The following CREB3L1 variants were observed in gnomAD, a reference collection of about 807,000 sequenced individuals.
CREB3L1 encodes cyclic AMP-responsive element-binding protein 3-like protein 1.
CREB3L1 carries 33 observed loss-of-function variants against 54.5 expected under a neutral mutation model. The observed-to-expected ratio is 0.61, with a 90% CI of 0.46 to 0.81. The LOEUF is 0.81. Ranked by LOEUF, CREB3L1 falls within the 30% of genes least tolerant of loss-of-function variation. CREB3L1 has a pLI of 0.00. For missense variants in CREB3L1, 656 were observed against 673.3 expected (o/e 0.97, Z 0.29); for synonymous variants, 284 against 286.4 (o/e 0.99, Z 0.08).
intron 3 of CREB3L1, 55 bp from the exon 4 acceptor site, chr11:46,309,934 A>C: frequency 7.0e-7 from 1 of 1,420,422 alleles, no homozygotes; most frequent in Non-Finnish European, 9.7e-7. Flanking sequence ...GGTAGATGGC[A>C]TGGTGGGGAC....
chr11:46,309,406 A>G (rs1380636649), intron 3 of CREB3L1, among the ~76,000 whole-genome samples: 1 of 152,250 alleles, frequency 6.6e-6, no homozygotes, highest in Non-Finnish European at 1.5e-5. Flanking sequence ...AACAAGTCAG[A>G]ATAGAAATAA....
rs1480133780 is a variant in CREB3L1 at position 46,305,732 on chromosome 11, G to GTGTGTGTGTGTA, written c.332-2083_332-2082insGTGTGTGTGTAT. ...TGTGTGTGTGTGTGTGTGTGTGTGT[G>GTGTGTGTGTGTA]TATATATATATATATTTTTTTTTAA... On this transcript the variant is annotated intron_variant, in intron 2 of 11. Transcript: ENST00000621158. Among the ~76,000 whole-genome samples the GTGTGTGTGTGTA allele has an allele frequency of 7.0e-4, 83 of 118,446 alleles. 1 individual carries two copies. The highest frequency in any genetic ancestry group is 2.8e-3 in the African/African-American group (74 of 26,672). The allele number at this position is 118,446 out of a possible 152,430, so 77.7% of individuals were successfully genotyped here. A position where few individuals can be genotyped will look rare whatever the true frequency, so the allele number is the denominator to read the frequency against.
chr11:46,286,734 G>T (rs1474764914), intron 1 of CREB3L1, among the ~76,000 whole-genome samples: 1 of 152,058 alleles, frequency 6.6e-6, no homozygotes, highest in South Asian at 2.1e-4. Flanking sequence ...GCAGTGAGCC[G>T]AGATTGAACC....
intron 1 of CREB3L1, among the ~76,000 whole-genome samples, chr11:46,296,351 G>C (rs2136342903): frequency 6.6e-6 from 1 of 152,174 alleles, no homozygotes; most frequent in Admixed American, 6.5e-5. Flanking sequence ...CACACGCCAG[G>C]GCAGCCCTGG....
intron 1 of CREB3L1, among the ~76,000 whole-genome samples, chr11:46,292,782 T>C (rs1465350264): frequency 6.6e-6 from 1 of 151,942 alleles, no homozygotes; most frequent in Non-Finnish European, 1.5e-5. Flanking sequence ...ACCTGGCTAA[T>C]ATTTTTAAAT....
Position 46,320,527 on chromosome 11 carries a change from A to C in CREB3L1, c.1522A>C (p.Arg508=). ...CCACTCCAAGGAGTGGTTCCACGAC[A>C]GGTGGGGTGTGTGGCCCCTTTCCCT... ...FSHSKEWFHD[R]DLGPNTTIKL... The change falls in exon 11 of 12, where the codon AGG becomes CGG. Residue 508 remains arginine, a splice_region_variant and synonymous_variant. Coordinates refer to ENST00000621158, the MANE Select transcript of CREB3L1 (RefSeq NM_052854.4). The C allele has an allele frequency of 7.0e-7, 1 of 1,424,892 alleles. No individual in the cohort carries two copies. Among genetic ancestry groups the C allele is most frequent in the Non-Finnish European group, 9.2e-7 (1 of 1,092,578 alleles). 88.3% of individuals were successfully genotyped at this position (1,424,892 alleles called of 1,614,324 possible). A position where few individuals can be genotyped will look rare whatever the true frequency, so the allele number is the denominator to read the frequency against.
chr11:46,303,153 C>A, intron 2 of CREB3L1, among the ~76,000 whole-genome samples: 1 of 152,178 alleles, frequency 6.6e-6, no homozygotes, highest in East Asian at 1.9e-4. Context: ...TTGGTTGGGA[C>A]CCACAAGGGC....
At chr11:46,319,539 G>A (rs2136360239) in intron 10 of CREB3L1, among the ~76,000 whole-genome samples, 1 of 152,258 alleles carries the variant, frequency 6.6e-6, no homozygotes, top group South Asian at 2.1e-4. Flanking sequence ...GGGCAAATTA[G>A]GATCTAGAAT....
At chr11:46,317,059 T>A (rs1468469396) in intron 9 of CREB3L1, among the ~76,000 whole-genome samples, 2 of 152,172 alleles carry the variant, frequency 1.3e-5, no homozygotes, top group Non-Finnish European at 2.9e-5. Flanking sequence ...CTGCACCTAT[T>A]CCTTCCTTTC....
In CREB3L1 at chr11:46,298,041, A is replaced by AT. The variant is rs567986981; in HGVS notation, c.103-1893dup. Among the ~76,000 whole-genome samples the AT allele has an allele frequency of 3.0e-4, 46 of 152,338 alleles. 1 individual carries two copies. The South Asian group carries it at 9.5e-3, about 32-fold the overall frequency. On this transcript the variant is annotated intron_variant, in intron 1 of 11. Transcript: ENST00000621158. ...AGGAACTATTATTTTCCCCTTACGG[A>AT]TAAGGAAACTGAGGCACGGGGAAGT...
At chr11:46,279,763 G>C (rs1432507030) in intron 1 of CREB3L1, among the ~76,000 whole-genome samples, 1 of 152,000 alleles carries the variant, frequency 6.6e-6, no homozygotes, top group African/African-American at 2.4e-5. Context: ...GTCAGAGCTC[G>C]GACCCTTGAA....
intron 1 of CREB3L1, among the ~76,000 whole-genome samples, chr11:46,284,176 G>A (rs1486943310): frequency 3.9e-5 from 6 of 152,146 alleles, no homozygotes; most frequent in Admixed American, 1.3e-4. Flanking sequence ...CCAGTCAATC[G>A]CGGACGAATG....
At chr11:46,305,658 A>ATGTG (rs1194487351) in intron 2 of CREB3L1, among the ~76,000 whole-genome samples, 51 of 87,546 alleles carry the variant, frequency 5.8e-4, no homozygotes, top group African/African-American at 2.3e-3. Flanking sequence ...GTGTGTATAT[A>ATGTG]TGTGTGTATA....
intron 10 of CREB3L1, among the ~76,000 whole-genome samples, chr11:46,319,847 C>G (rs1012421109): frequency 2.7e-5 from 4 of 150,906 alleles, no homozygotes; most frequent in East Asian, 1.9e-4. Context: ...CCATTGCACT[C>G]CAGCCTGGGC....
chr11:46,298,818 A>T (rs1352579158), intron 1 of CREB3L1, among the ~76,000 whole-genome samples: 2 of 152,262 alleles, frequency 1.3e-5, no homozygotes, highest in African/African-American at 2.4e-5. Context: ...ACTAACAATA[A>T]GAGGCAACGT....
chr11:46,286,128 C>T (rs1399969018), intron 1 of CREB3L1, among the ~76,000 whole-genome samples: 1 of 152,126 alleles, frequency 6.6e-6, no homozygotes, highest in Non-Finnish European at 1.5e-5. Context: ...CAATTATTTG[C>T]GGCTATTCCC....
intron 2 of CREB3L1, among the ~76,000 whole-genome samples, chr11:46,305,732 G>GTATA (rs1479749295): frequency 8.4e-6 from 1 of 118,494 alleles, no homozygotes; most frequent in African/African-American, 3.7e-5. Context: ...GTGTGTGTGT[G>GTATA]TATATATATA....
chr11:46,281,709 C>A (rs998783343), intron 1 of CREB3L1, among the ~76,000 whole-genome samples: 29 of 152,274 alleles, frequency 1.9e-4, no homozygotes, highest in Middle Eastern at 3.4e-3. Context: ...CAGAGAGGCA[C>A]CCCCACCCCC....
intron 2 of CREB3L1, among the ~76,000 whole-genome samples, chr11:46,302,235 C>G (rs1335359443): frequency 2.7e-5 from 4 of 150,380 alleles, no homozygotes; most frequent in African/African-American, 9.8e-5. Context: ...GACAAGTTAC[C>G]AAGACTCTAG....
Sources: allele counts gnomAD v4.1 joint callset (sites outside exome capture counted in the v4.1 genomes callset), GRCh38; gene constraint gnomAD v4.1.1; transcripts MANE v1.5; gene names NCBI Gene and HGNC (gene_info 2026-07-23, HGNC 2026-07-21).